Variants in KLHL8 observed in about 807,000 individuals in gnomAD.
The protein encoded by KLHL8 is kelch like family member 8.
KLHL8 carries 38 observed loss-of-function variants against 63.5 expected under a neutral mutation model. That is an observed-to-expected ratio of 0.60 (90% CI 0.46 to 0.78). The LOEUF (loss-of-function observed/expected upper bound fraction) is 0.78. KLHL8 is among the 30% of genes least tolerant of loss of function. The probability of loss-of-function intolerance (pLI) is 0.00; values close to 1 mark genes in which losing one functional copy is unlikely to be tolerated. For missense variants in KLHL8, 566 were observed against 752.4 expected (o/e 0.75, Z 2.90); for synonymous variants, 224 against 254.3 (o/e 0.88, Z 1.13).
intron 8 of KLHL8, among the ~76,000 whole-genome samples, chr4:87,165,933 T>C (rs1465410138): frequency 6.6e-6 from 1 of 150,440 alleles, no homozygotes; most frequent in African/African-American, 2.4e-5. Flanking sequence ...TCAACCTGAA[T>C]CATTCTTATT....
chr4:87,195,647 G>A lies in KLHL8; in HGVS notation c.-108C>T, dbSNP rs143285834. 2,438 of 873,858 alleles carry A rather than the reference G, an allele frequency of 2.8e-3. 10 individuals carry two copies. Among genetic ancestry groups the A allele is most frequent in the South Asian group, 6.9e-3 (408 of 58,898 alleles). The allele number at this position is 873,858 out of a possible 1,614,324, so 54.1% of individuals were successfully genotyped here. A position where few individuals can be genotyped will look rare whatever the true frequency, so the allele number is the denominator to read the frequency against. The stretch of plus-strand genomic sequence containing the variant: ...TAGATGTAGACACTACAATTCAGAC[G>A]TTTTTCAAAACCCACTCAACTGCCA... On this transcript the variant is annotated 5_prime_UTR_variant, in exon 2 of 10. It adds an upstream start codon to the 5' untranslated region. Coordinates refer to ENST00000273963, the MANE Select transcript of KLHL8 (RefSeq NM_020803.5).
intron 1 of KLHL8, among the ~76,000 whole-genome samples, chr4:87,235,849 G>C (rs1733216817): frequency 6.6e-6 from 1 of 151,982 alleles, no homozygotes; most frequent in South Asian, 2.1e-4. Flanking sequence ...CAAAACACAA[G>C]TCTTTGGGAT....
intron 1 of KLHL8, among the ~76,000 whole-genome samples, chr4:87,237,402 T>C (rs1312003442): frequency 6.6e-6 from 1 of 152,168 alleles, no homozygotes; most frequent in East Asian, 1.9e-4. Context: ...TTAACTGTTA[T>C]CAGTAGAAAC....
At chr4:87,165,527 G>C (rs985577883) in intron 8 of KLHL8, among the ~76,000 whole-genome samples, 1 of 151,578 alleles carries the variant, frequency 6.6e-6, no homozygotes, top group Non-Finnish European at 1.5e-5. Context: ...CTAAGTAGCT[G>C]GAACTATAGG....
At chr4:87,221,792 ATAAT>A (rs1328037922), upstream of KLHL8, among the ~76,000 whole-genome samples, 1 of 152,202 alleles carries the variant, frequency 6.6e-6, no homozygotes, top group Non-Finnish European at 1.5e-5. Flanking sequence ...TGAAATATAA[ATAAT>A]TCTTAATATT....
chr4:87,204,845 G>C (rs1732054156), intron 1 of KLHL8, among the ~76,000 whole-genome samples: 4 of 152,216 alleles, frequency 2.6e-5, no homozygotes, highest in African/African-American at 9.6e-5. Flanking sequence ...ACGGCAAAAA[G>C]AGAGTTTTAT....
chr4:87,194,170 T>A (rs535396105), intron 2 of KLHL8, among the ~76,000 whole-genome samples: 16 of 152,202 alleles, frequency 1.1e-4, no homozygotes, highest in Non-Finnish European at 1.9e-4. Flanking sequence ...TCTGTGCTCA[T>A]GAATGGATTA....
chr4:87,175,041 T>C (rs1340340488), intron 6 of KLHL8, among the ~76,000 whole-genome samples: 2 of 152,258 alleles, frequency 1.3e-5, no homozygotes, highest in East Asian at 3.8e-4. Flanking sequence ...CTGCTAGTTT[T>C]TTCTTACATG....
chr4:87,165,394 TTTTTG>T (rs1014590237), intron 8 of KLHL8, among the ~76,000 whole-genome samples: 4 of 151,964 alleles, frequency 2.6e-5, no homozygotes, highest in South Asian at 2.1e-4. Flanking sequence ...TTTTTTTAAA[TTTTTG>T]TTTTGTTTTG....
chr4:87,203,446 C>T (rs1008282197), intron 1 of KLHL8, among the ~76,000 whole-genome samples: 9 of 151,206 alleles, frequency 6.0e-5, no homozygotes, highest in South Asian at 2.1e-4. Flanking sequence ...AGGAGAATGG[C>T]GTGAACCTGG....
In KLHL8 at chr4:87,165,042, G is replaced by A. The variant is rs552354696; in HGVS notation, c.1538-963C>T. 4.0e-5 allele frequency among the ~76,000 whole-genome samples: 6 copies of A among 151,366 alleles called. No individual in the cohort carries two copies. The East Asian group carries it at 7.9e-4, about 20-fold the overall frequency. On this transcript the variant is annotated intron_variant, in intron 8 of 9. Coordinates refer to ENST00000273963, the MANE Select transcript of KLHL8 (RefSeq NM_020803.5). The stretch of plus-strand genomic sequence containing the variant: ...CGGGCGCCTGTAGTCCCAGCTACTC[G>A]GGAGGCTGAGGCAGGACAATGGCGT...
At chr4:87,236,286 G>T (rs1381316972) in intron 1 of KLHL8, among the ~76,000 whole-genome samples, 1 of 148,798 alleles carries the variant, frequency 6.7e-6, no homozygotes, top group Non-Finnish European at 1.5e-5. Flanking sequence ...TCGGCTCACC[G>T]CAACCTCCGC....
chr4:87,163,918 ATGCAT>A lies in KLHL8; in HGVS notation c.1694_1698del (p.Asn565IlefsTer9). On this transcript the variant is annotated frameshift_variant, in exon 9 of 10. Coordinates refer to ENST00000273963, the MANE Select transcript of KLHL8 (RefSeq NM_020803.5). LOFTEE classifies it high-confidence loss of function. ...TCAAACGCTTCTACTGTATTTAAGT[ATGCAT>A]TGCCATTATGACCACCAACTGCAAA... The A allele has an allele frequency of 6.2e-7, 1 of 1,614,148 alleles. No individual in the cohort carries two copies. The highest frequency in any genetic ancestry group is 1.1e-5 in the South Asian group (1 of 91,078).
At chr4:87,164,107 C>G in intron 8 of KLHL8, 28 bp from the exon 9 acceptor site, 1 of 1,544,990 alleles carries the variant, frequency 6.5e-7, no homozygotes, top group Admixed American at 1.7e-5. Context: ...TTAAAAACAG[C>G]ATTACATTCC....
intron 2 of KLHL8, among the ~76,000 whole-genome samples, chr4:87,186,545 T>A (rs1033788258): frequency 3.3e-5 from 5 of 151,512 alleles, no homozygotes; most frequent in African/African-American, 1.2e-4. Context: ...AGTGACGTGA[T>A]CATGGCTCAT....
intron 1 of KLHL8, among the ~76,000 whole-genome samples, chr4:87,218,111 T>C (rs1449859799): frequency 6.6e-6 from 1 of 152,204 alleles, no homozygotes; most frequent in Non-Finnish European, 1.5e-5. Flanking sequence ...ATGAGAGATT[T>C]TGGCTCTGTA....
At chr4:87,179,935 G>T (rs543168740) in intron 4 of KLHL8, among the ~76,000 whole-genome samples, 2 of 152,252 alleles carry the variant, frequency 1.3e-5, no homozygotes, top group African/African-American at 4.8e-5. Flanking sequence ...GATTCAGTAG[G>T]TTTGGGATAA....
intron 8 of KLHL8, 77 bp downstream of exon 8, chr4:87,170,002 T>C: frequency 8.9e-7 from 1 of 1,120,060 alleles, no homozygotes; most frequent in Non-Finnish European, 1.3e-6. Flanking sequence ...CTAAATGCAA[T>C]GTAATTTTTG....
intron 2 of KLHL8, 78 bp downstream of exon 2, chr4:87,195,246 C>G: frequency 8.5e-7 from 1 of 1,183,210 alleles, no homozygotes; most frequent in Non-Finnish European, 1.2e-6. Flanking sequence ...CAAAATTTGC[C>G]TTGTATGGTT....
Sources: allele counts gnomAD v4.1 joint callset (sites outside exome capture counted in the v4.1 genomes callset), GRCh38; gene constraint gnomAD v4.1.1; transcripts MANE v1.5; gene names NCBI Gene and HGNC (gene_info 2026-07-23, HGNC 2026-07-21).